The following PDGFRL variants were observed in gnomAD, a reference collection of about 807,000 sequenced individuals.
PDGFRL encodes platelet derived growth factor receptor like.
PDGFRL carries 46 observed loss-of-function variants against 37.2 expected under a neutral mutation model. The observed-to-expected ratio is 1.24, with a 90% CI of 0.98 to 1.58. The LOEUF (loss-of-function observed/expected upper bound fraction) is 1.58. Among genes scored for constraint, PDGFRL ranks in the 40% most tolerant of loss-of-function variants. The pLI is 0.00. For synonymous variants in PDGFRL, 251 were observed against 184.3 expected (o/e 1.36, Z -2.93); for missense variants, 692 against 467.6 (o/e 1.48, Z -4.43).
chr8:17,642,256 G>A (rs1399634508), intron 5 of PDGFRL, among the ~76,000 whole-genome samples: 2 of 152,178 alleles, frequency 1.3e-5, no homozygotes, highest in East Asian at 3.9e-4. Flanking sequence ...AAGAAAGTGG[G>A]CAATGTGAAG....
chr8:17,637,684 A>C (rs1805000164), intron 5 of PDGFRL, among the ~76,000 whole-genome samples: 1 of 152,160 alleles, frequency 6.6e-6, no homozygotes, highest in African/African-American at 2.4e-5. Flanking sequence ...TCATTTGTGA[A>C]TCCATCTGAT....
chr8:17,589,477 A>G lies in PDGFRL; in HGVS notation c.65A>G (p.Gln22Arg). Residue 22 changes from glutamine (Q) to arginine (R), a missense_variant, in exon 2 of 6, where the codon CAA becomes CGA. Physicochemically the swap from Gln to Arg is conservative, Grantham distance 43. Transcript: ENST00000251630. ...TCCTTACGTTTTGCAGTTACTGGCC[A>G]ACACCTTCCCAAGAACAAGCGTCCA... Reference protein sequence around the residue: ...VHEALEDVTGQHLPKNKRPKE... With the variant: ...VHEALEDVTGRHLPKNKRPKE... The G allele has an allele frequency of 2.5e-6, 4 of 1,612,844 alleles. No homozygotes were observed. The highest frequency in any genetic ancestry group is 3.4e-6 in the Non-Finnish European group (4 of 1,179,266).
chr8:17,613,813 C>T (rs969525330), intron 2 of PDGFRL, among the ~76,000 whole-genome samples: 4 of 152,068 alleles, frequency 2.6e-5, no homozygotes, highest in Non-Finnish European at 5.9e-5. Context: ...CCACGGAGGT[C>T]ACACCACTGC....
At chr8:17,597,334 A>G (rs73563771) in intron 2 of PDGFRL, among the ~76,000 whole-genome samples, 1 of 152,132 alleles carries the variant, frequency 6.6e-6, no homozygotes. Flanking sequence ...CCTTGTAGTT[A>G]TAACCAATAT....
chr8:17,597,681 C>T (rs1804083829), intron 2 of PDGFRL, among the ~76,000 whole-genome samples: 1 of 152,028 alleles, frequency 6.6e-6, no homozygotes, highest in South Asian at 2.1e-4. Flanking sequence ...ACATTCATGG[C>T]ACCCAAATAT....
Position 17,642,738 on chromosome 8 carries a change from C to A in PDGFRL, c.1065C>A (p.Tyr355Ter), listed in dbSNP as rs370278470. The change falls in exon 6 of 6, where the codon TAC becomes TAA. Residue 355 changes from tyrosine to a stop codon, truncating the protein, a stop_gained. Coordinates refer to ENST00000251630, the MANE Select transcript of PDGFRL (RefSeq NM_001372073.1). LOFTEE classifies it high-confidence loss of function. ...TTGAGACGATTGATGCAGGATATTA[C>A]ATTTGCACTGCTCAGAATCTTCAAG... Reference protein sequence around the residue: ...EDFETIDAGYYICTAQNLQGQ... With the variant: ...EDFETIDAGY 1.2e-6 allele frequency: 2 copies of A among 1,608,466 alleles called. No individual in the cohort carries two copies. The highest frequency in any genetic ancestry group is 1.7e-6 in the Non-Finnish European group (2 of 1,174,884).
At chr8:17,604,985 C>T (rs576072931) in intron 2 of PDGFRL, among the ~76,000 whole-genome samples, 3 of 152,118 alleles carry the variant, frequency 2.0e-5, no homozygotes, top group Middle Eastern at 3.4e-3. Context: ...AGCATGGTGG[C>T]GTGTGCCTAT....
intron 3 of PDGFRL, among the ~76,000 whole-genome samples, chr8:17,627,062 G>C (rs982864376): frequency 6.6e-6 from 1 of 152,290 alleles, no homozygotes; most frequent in Middle Eastern, 3.4e-3. Context: ...GTGAGGACAG[G>C]CTGAGGACAC....
intron 3 of PDGFRL, among the ~76,000 whole-genome samples, chr8:17,628,138 C>A (rs367659711): frequency 6.6e-6 from 1 of 151,054 alleles, no homozygotes; most frequent in East Asian, 2.0e-4. Context: ...GGACTACAGG[C>A]GCCCGCCACC....
intron 2 of PDGFRL, among the ~76,000 whole-genome samples, chr8:17,606,619 A>G (rs956237196): frequency 6.6e-6 from 1 of 152,194 alleles, no homozygotes; most frequent in African/African-American, 2.4e-5. Flanking sequence ...TGGAGGCTGC[A>G]GGATACAAGA....
intron 2 of PDGFRL, among the ~76,000 whole-genome samples, chr8:17,612,220 TCCA>T (rs1323006637): frequency 8.5e-5 from 13 of 152,210 alleles, no homozygotes. Context: ...AAAACTAACC[TCCA>T]GGTATTTAAA....
intron 2 of PDGFRL, among the ~76,000 whole-genome samples, chr8:17,607,305 T>C (rs1392741147): frequency 1.8e-5 from 2 of 109,554 alleles, no homozygotes; most frequent in African/African-American, 6.0e-5. Context: ...GTCATTAGAG[T>C]AGGGGAAATT....
At chr8:17,577,431 G>A (rs1803610403) in intron 1 of PDGFRL, 124 bp downstream of exon 1, 1 of 778,878 alleles carries the variant, frequency 1.3e-6, no homozygotes, top group South Asian at 1.5e-5. Context: ...CAGCCCCCGC[G>A]CCACTGCCTG....
At chr8:17,601,976 A>G (rs1804174834) in intron 2 of PDGFRL, among the ~76,000 whole-genome samples, 1 of 152,208 alleles carries the variant, frequency 6.6e-6, no homozygotes, top group Non-Finnish European at 1.5e-5. Context: ...TCCTTTGGAT[A>G]CATACTTGGT....
intron 2 of PDGFRL, among the ~76,000 whole-genome samples, chr8:17,594,193 C>T (rs561947081): frequency 6.6e-5 from 10 of 151,932 alleles, no homozygotes; most frequent in African/African-American, 9.7e-5. Flanking sequence ...CAGCCTATGA[C>T]GTGGTTTCCT....
chr8:17,636,491 C>T (rs1445887095), intron 5 of PDGFRL, among the ~76,000 whole-genome samples: 1 of 151,838 alleles, frequency 6.6e-6, no homozygotes, highest in Non-Finnish European at 1.5e-5. Context: ...TATACCAGTA[C>T]CATGCTGTTT....
intron 2 of PDGFRL, among the ~76,000 whole-genome samples, chr8:17,595,672 A>T (rs2588144): frequency 6.6e-6 from 1 of 151,986 alleles, no homozygotes; most frequent in African/African-American, 2.4e-5. Flanking sequence ...CTTCCCTACT[A>T]CCCGCCCCTT....
intron 1 of PDGFRL, 21 bp from the exon 2 acceptor site, chr8:17,589,447 C>A: frequency 6.3e-7 from 1 of 1,583,182 alleles, no homozygotes; most frequent in Non-Finnish European, 8.6e-7. Flanking sequence ...CAGCGCATTT[C>A]TCTCTCCTTA....
intron 5 of PDGFRL, among the ~76,000 whole-genome samples, chr8:17,634,982 T>TAAAA (rs759933210): frequency 5.3e-5 from 8 of 151,316 alleles, no homozygotes; most frequent in Middle Eastern, 3.4e-3. Flanking sequence ...GGTTTTTTTT[T>TAAAA]AAAAAAAAGG....
Sources: gnomAD v4.1 joint callset for allele counts (sites outside exome capture counted in the v4.1 genomes callset) on GRCh38, gnomAD v4.1.1 for gene constraint, MANE v1.5 for transcripts, NCBI Gene and HGNC (gene_info 2026-07-23, HGNC 2026-07-21) for gene names.